The following TSHR variants were observed in gnomAD, a reference collection of about 807,000 sequenced individuals.
The protein encoded by TSHR is thyrotropin receptor.
In TSHR, 51 loss-of-function variants were observed where a neutral mutation model predicts 64.1. The observed-to-expected ratio is 0.80, with a 90% CI of 0.64 to 1.01. TSHR has a LOEUF of 1.01. TSHR is among the 50% of genes least tolerant of loss of function. The probability of loss-of-function intolerance (pLI) is 0.00; values close to 1 mark genes in which losing one functional copy is unlikely to be tolerated. For synonymous variants in TSHR, 361 were observed against 361.9 expected, an observed-to-expected ratio of 1.00 and a Z score of 0.03; for missense variants, 877 against 942.8, an observed-to-expected ratio of 0.93 and a Z score of 0.91.
At chr14:81,009,758 C>G (rs116179387) in intron 1 of TSHR, among the ~76,000 whole-genome samples, 1,794 of 151,974 alleles carry the variant, frequency 0.012, 21 homozygotes, top group African/African-American at 0.016. Context: ...AAATAAATCA[C>G]AATTTGTTTA....
chr14:81,044,648 ACT>A, intron 1 of TSHR, among the ~76,000 whole-genome samples: 1 of 118,490 alleles, frequency 8.4e-6, no homozygotes, highest in Admixed American at 9.0e-5. Context: ...ACAGAGCAAG[ACT>A]CTGTCTCAAA....
At chr14:81,010,607 T>A (rs1378945160) in intron 1 of TSHR, among the ~76,000 whole-genome samples, 1 of 152,168 alleles carries the variant, frequency 6.6e-6, no homozygotes, top group Non-Finnish European at 1.5e-5. Flanking sequence ...ACTCTCTTGC[T>A]TTTCCCTACA....
chr14:81,097,028 G>C (rs1469787101), intron 7 of TSHR, among the ~76,000 whole-genome samples: 1 of 151,790 alleles, frequency 6.6e-6, no homozygotes, highest in African/African-American at 2.4e-5. Context: ...AAAATAAGGT[G>C]GTTTCTCTTT....
At position 80,955,649 on chromosome 14, in the gene TSHR, G is replaced by A; in HGVS notation, c.-32G>A. The A allele has an allele frequency of 6.2e-7, 1 of 1,612,984 alleles. No homozygotes were observed. The highest frequency in any genetic ancestry group is 8.5e-7 in the Non-Finnish European group (1 of 1,179,746). ...GAGCTGAGAATGAGGCGATTTCGGA[G>A]GATGGAGAAATAGCCCCGAGTCCCG... On this transcript the variant is annotated 5_prime_UTR_variant, in exon 1 of 10. Transcript: ENST00000298171.
At chr14:80,993,012 AG>A (rs1331302577) in intron 1 of TSHR, 1 of 152,162 alleles carries the variant, frequency 6.6e-6, no homozygotes, top group Non-Finnish European at 1.5e-5. Context: ...TCCATCTAAT[AG>A]GATAGACAGT....
rs565917082 is a variant in TSHR, at chr14:81,064,762, T to G, written c.242+2543T>G. ...TCAGGGGAGAGATTCAGGTAGAGAT[T>G]GAGAGTCACAAACAACTGGGTGTAA... On this transcript the variant is annotated intron_variant, in intron 2 of 9. Coordinates refer to ENST00000298171, the MANE Select transcript of TSHR (RefSeq NM_000369.5). 3.9e-5 allele frequency among the ~76,000 whole-genome samples: 6 copies of G among 152,120 alleles called. No individual in the cohort carries two copies. In the South Asian group the frequency reaches 1.0e-3, roughly 26 times the overall value.
At chr14:81,016,137 C>A (rs1890171841) in intron 1 of TSHR, among the ~76,000 whole-genome samples, 1 of 152,116 alleles carries the variant, frequency 6.6e-6, no homozygotes, top group Non-Finnish European at 1.5e-5. Flanking sequence ...TGAATATATG[C>A]CCATAAGAGG....
In TSHR at chr14:80,988,061, C is replaced by A. The variant is rs187808881; in HGVS notation, c.170+32211C>A. 2.7e-3 allele frequency among the ~76,000 whole-genome samples: 404 copies of A among 152,314 alleles called. 5 individuals are homozygous for A. The highest frequency in any genetic ancestry group is 9.4e-3 in the African/African-American group (392 of 41,564). On this transcript the variant is annotated intron_variant, in intron 1 of 9. Coordinates refer to ENST00000298171, the MANE Select transcript of TSHR (RefSeq NM_000369.5). ...CACCTTTTAGGTCTGAAGTAGAGGT[C>A]TCTTTTGACCTATTGTCATCATTAA...
intron 1 of TSHR, chr14:80,995,700 G>A (rs921497357): frequency 6.9e-6 from 1 of 144,268 alleles, no homozygotes; most frequent in Non-Finnish European, 1.6e-5. Flanking sequence ...GGAGGAGGGA[G>A]AGGATTAGGA....
At chr14:80,981,114 A>G (rs1030671937) in intron 1 of TSHR, among the ~76,000 whole-genome samples, 3 of 152,016 alleles carry the variant, frequency 2.0e-5, no homozygotes, top group Non-Finnish European at 2.9e-5. Flanking sequence ...TTTATTTTAT[A>G]ATTTAGGATT....
intron 1 of TSHR, among the ~76,000 whole-genome samples, chr14:81,038,607 A>G (rs1884769142): frequency 6.6e-6 from 1 of 151,244 alleles, no homozygotes; most frequent in Non-Finnish European, 1.5e-5. Context: ...AAGAAAAAAG[A>G]GATAATACAC....
At chr14:80,998,269 A>C (rs1440430964) in intron 1 of TSHR, among the ~76,000 whole-genome samples, 4 of 152,142 alleles carry the variant, frequency 2.6e-5, no homozygotes, top group African/African-American at 9.7e-5. Context: ...TGGGGCAGGC[A>C]ATCATTCATA....
intron 3 of TSHR, among the ~76,000 whole-genome samples, chr14:81,079,408 A>T (rs978619447): frequency 1.3e-5 from 2 of 152,196 alleles, no homozygotes; most frequent in African/African-American, 4.8e-5. Flanking sequence ...TGCTATGTCA[A>T]ATGAAGATGG....
At chr14:81,122,050 TTTTTTTTTTTTG>T (rs1890822486) in intron 8 of TSHR, among the ~76,000 whole-genome samples, 1 of 46,346 alleles carries the variant, frequency 2.2e-5, no homozygotes, top group Non-Finnish European at 3.8e-5. Flanking sequence ...TTTTTTTTTT[TTTTTTTTTTTTG>T]AGACGAAGTC....
At chr14:81,130,373 C>T (rs750661817) in intron 8 of TSHR, among the ~76,000 whole-genome samples, 1 of 152,152 alleles carries the variant, frequency 6.6e-6, no homozygotes, top group African/African-American at 2.4e-5. Flanking sequence ...CCAATTAGTA[C>T]TTATTTCAGA....
At chr14:81,129,658 C>T (rs996484463) in intron 8 of TSHR, among the ~76,000 whole-genome samples, 19 of 152,354 alleles carry the variant, frequency 1.2e-4, no homozygotes, top group African/African-American at 4.6e-4. Context: ...CTCATGTCCA[C>T]TTGATCACCT....
At chr14:81,065,604 C>T (rs1253908594) in intron 2 of TSHR, among the ~76,000 whole-genome samples, 2 of 152,008 alleles carry the variant, frequency 1.3e-5, no homozygotes, top group African/African-American at 2.4e-5. Context: ...GATAGGGGTC[C>T]CTGAACCCTA....
chr14:81,001,607 AT>A, intron 1 of TSHR: 1 of 524,756 alleles, frequency 1.9e-6, no homozygotes, highest in African/African-American at 1.9e-5. Flanking sequence ...CAACTCCCCC[AT>A]TGTAACGTCA....
intron 8 of TSHR, among the ~76,000 whole-genome samples, chr14:81,120,618 G>A (rs577035572): frequency 2.6e-5 from 4 of 152,062 alleles, no homozygotes; most frequent in South Asian, 4.1e-4. Context: ...AATGTCATCC[G>A]CACTCAGAAA....
Sources: gnomAD v4.1 joint callset for allele counts (sites outside exome capture counted in the v4.1 genomes callset) on GRCh38, gnomAD v4.1.1 for gene constraint, MANE v1.5 for transcripts, NCBI Gene and HGNC (gene_info 2026-07-23, HGNC 2026-07-21) for gene names.